Variants in PTPRT observed in about 807,000 individuals in gnomAD.
PTPRT encodes receptor-type tyrosine-protein phosphatase T.
In PTPRT, 56 loss-of-function variants were observed where a neutral mutation model predicts 176.8. The observed-to-expected ratio is 0.32, with a 90% CI of 0.26 to 0.40. The LOEUF (loss-of-function observed/expected upper bound fraction) is 0.40, where lower values mean the gene tolerates loss of function less well. PTPRT is among the 10% of genes least tolerant of loss of function. The pLI is 1.00. For missense variants in PTPRT, 1,540 were observed against 1,908.2 expected, an observed-to-expected ratio of 0.81 and a Z score of 3.60; for synonymous variants, 783 against 739.0, an observed-to-expected ratio of 1.06 and a Z score of -0.96.
At chr20:42,862,019 A>G (rs2078670662) in intron 2 of PTPRT, among the ~76,000 whole-genome samples, 1 of 152,198 alleles carries the variant, frequency 6.6e-6, no homozygotes, top group Non-Finnish European at 1.5e-5. Flanking sequence ...TACCTGCCAT[A>G]TTGCAAAAGG....
intron 6 of PTPRT, among the ~76,000 whole-genome samples, chr20:42,754,208 T>C (rs2076799379): frequency 2.0e-5 from 3 of 152,114 alleles, no homozygotes; most frequent in African/African-American, 7.2e-5. Context: ...TTTTTTGAGA[T>C]GGAGTCTCGC....
intron 1 of PTPRT, among the ~76,000 whole-genome samples, chr20:43,037,370 A>C (rs999547982): frequency 6.6e-6 from 1 of 152,230 alleles, no homozygotes; most frequent in Non-Finnish European, 1.5e-5. Context: ...ATATTTATCA[A>C]ATTTGCCTTC....
chr20:43,157,354 A>G (rs1268155604), intron 1 of PTPRT, among the ~76,000 whole-genome samples: 3 of 152,162 alleles, frequency 2.0e-5, no homozygotes, highest in Non-Finnish European at 4.4e-5. Flanking sequence ...GCAGAGTGAG[A>G]CCGTGTCTCA....
intron 1 of PTPRT, among the ~76,000 whole-genome samples, chr20:42,905,426 G>A (rs991291757): frequency 7.9e-5 from 12 of 152,198 alleles, no homozygotes; most frequent in African/African-American, 1.2e-4. Context: ...AACAGATGCC[G>A]GAGAGGATGT....
chr20:42,522,044 T>C (rs1378256528), intron 7 of PTPRT, among the ~76,000 whole-genome samples: 1 of 151,798 alleles, frequency 6.6e-6, no homozygotes, highest in African/African-American at 2.4e-5. Flanking sequence ...CAACAAGAAC[T>C]TTTTCTTAAA....
chr20:42,964,893 C>T (rs1982205714), intron 1 of PTPRT, among the ~76,000 whole-genome samples: 1 of 152,082 alleles, frequency 6.6e-6, no homozygotes, highest in Non-Finnish European at 1.5e-5. Flanking sequence ...AGTTAAAAAT[C>T]ATATATCAAT....
intron 1 of PTPRT, among the ~76,000 whole-genome samples, chr20:42,927,264 T>C (rs756432913): frequency 7.2e-5 from 11 of 151,930 alleles, no homozygotes; most frequent in Non-Finnish European, 1.5e-4. Context: ...AGCAGAAAGA[T>C]TGTAGAAAAA....
chr20:42,547,993 T>A (rs903638714), intron 7 of PTPRT, among the ~76,000 whole-genome samples: 1 of 152,018 alleles, frequency 6.6e-6, no homozygotes, highest in African/African-American at 2.4e-5. Context: ...AACTATAATA[T>A]GTTTAAGAAT....
In PTPRT at chr20:42,315,941, C is replaced by G; in HGVS notation, c.1921G>C (p.Asp641His). The change falls in exon 12 of 31, where the codon GAC becomes CAC. Residue 641 changes from aspartate to histidine, a missense_variant. Physicochemically the swap from Asp to His is moderately conservative, Grantham distance 81. Around this residue, in one of 11 missense-constraint regions of PTPRT, gnomAD observed 81 missense variants for 89.9 expected, o/e 0.90. Coordinates refer to ENST00000373187, the MANE Select transcript of PTPRT (RefSeq NM_007050.6). ...GGCACCGAAAAGCACTCAATAATGTCAGCTGCCCTCCGTGACTTCTGAAGT... is the reference window on the plus strand; with the variant it reads ...GGCACCGAAAAGCACTCAATAATGTGAGCTGCCCTCCGTGACTTCTGAAGT... ...ERLQKSRRAA[D>H]IIECFSVPVS... The G allele has an allele frequency of 6.2e-7, 1 of 1,614,154 alleles. No homozygotes were observed. The highest frequency in any genetic ancestry group is 1.1e-5 in the South Asian group (1 of 91,080).
In PTPRT at chr20:42,352,121, C is replaced by T. The variant is rs2145522825; in HGVS notation, c.1725G>A (p.Gly575=). The T allele has an allele frequency of 6.2e-7, 1 of 1,614,064 alleles. No homozygotes were observed. The highest frequency in any genetic ancestry group is 8.5e-7 in the Non-Finnish European group (1 of 1,179,974). ...TGGCAATCCGAGTGGTGACAGGGGGCCCAAAGCCCTTTGCTGTGCTGGCCT... is the reference window on the plus strand; with the variant it reads ...TGGCAATCCGAGTGGTGACAGGGGGTCCAAAGCCCTTTGCTGTGCTGGCCT... ...TIKASTAKGF[G]PPVTTRIATK... is the part of the protein sequence containing the mutation. Residue 575 remains glycine, a synonymous_variant, in exon 10 of 31, where the codon GGG becomes GGA. Coordinates refer to ENST00000373187, the MANE Select transcript of PTPRT (RefSeq NM_007050.6).
At chr20:42,448,415 T>A in intron 8 of PTPRT, 86 bp from the exon 9 acceptor site, 1 of 1,029,186 alleles carries the variant, frequency 9.7e-7, no homozygotes, top group Non-Finnish European at 1.5e-6. Flanking sequence ...GTTGACAAAG[T>A]TGCTGTAAAG....
chr20:42,604,850 G>A (rs975158470), intron 7 of PTPRT, among the ~76,000 whole-genome samples: 5 of 152,176 alleles, frequency 3.3e-5, no homozygotes, highest in Admixed American at 6.5e-5. Context: ...AACATGATAG[G>A]GGCCTGCCCA....
rs1265580471 is a variant in PTPRT, at chr20:43,028,997, A to C, written c.89-143065T>G. Among the ~76,000 whole-genome samples the C allele has an allele frequency of 2.6e-5, 4 of 152,184 alleles. No homozygotes were observed. The East Asian group carries it at 7.7e-4, about 29-fold the overall frequency. On this transcript the variant is annotated intron_variant, in intron 1 of 30. Transcript: ENST00000373187. ...CCATCACCCAGAAAGAAGGCTGTGC[A>C]TCTTCAAGTCAGGGCAGGAAAAGAG...
chr20:42,038,529 A>G, the PTPRT span, among the ~76,000 whole-genome samples: 1 of 152,176 alleles, frequency 6.6e-6, no homozygotes, highest in Admixed American at 6.5e-5. Context: ...GTGGGGACAC[A>G]AAGTGCTTAT....
chr20:42,111,739 C>T (rs1013890708), intron 22 of PTPRT, among the ~76,000 whole-genome samples: 2 of 152,184 alleles, frequency 1.3e-5, no homozygotes, highest in African/African-American at 2.4e-5. Context: ...AAGTGACACA[C>T]CCAAGGTCAC....
intron 1 of PTPRT, among the ~76,000 whole-genome samples, chr20:42,970,140 C>T (rs769395601): frequency 2.0e-5 from 3 of 152,200 alleles, no homozygotes; most frequent in Non-Finnish European, 4.4e-5. Context: ...CGCAGCAGTT[C>T]AGTCCCTGTT....
chr20:42,977,917 C>T lies in PTPRT; in HGVS notation c.89-91985G>A, dbSNP rs139216755. ...TCGTGGGAATGGAATTATAATAGTC[C>T]TCCCTTATCCACAGGAACTATGTTC... On this transcript the variant is annotated intron_variant, in intron 1 of 30. Transcript: ENST00000373187. 3.8e-3 allele frequency among the ~76,000 whole-genome samples: 578 copies of T among 152,266 alleles called. 3 individuals carry two copies. Among genetic ancestry groups the T allele is most frequent in the African/African-American group, 0.013 (559 of 41,556 alleles).
At chr20:42,164,494 G>A (rs1405431418) in intron 16 of PTPRT, among the ~76,000 whole-genome samples, 1 of 152,148 alleles carries the variant, frequency 6.6e-6, no homozygotes, top group Non-Finnish European at 1.5e-5. Flanking sequence ...TCAGAACCAA[G>A]GGATTTTCAA....
chr20:42,406,193 T>G (rs2058959428), intron 9 of PTPRT, among the ~76,000 whole-genome samples: 1 of 151,996 alleles, frequency 6.6e-6, no homozygotes, highest in African/African-American at 2.4e-5. Context: ...ATAATGACAT[T>G]ATTTTCTTTT....
Sources: gnomAD v4.1 joint callset for allele counts (sites outside exome capture counted in the v4.1 genomes callset) on GRCh38, gnomAD v4.1.1 for gene constraint, gnomAD v4.1.1 regional missense constraint, MANE v1.5 for transcripts, NCBI Gene and HGNC (gene_info 2026-07-23, HGNC 2026-07-21) for gene names.